The following GABRB1 variants were observed in gnomAD, a reference collection of about 807,000 sequenced individuals.
GABRB1 encodes gamma-aminobutyric acid receptor subunit beta-1.
GABRB1 carries 17 observed loss-of-function variants against 51.6 expected under a neutral mutation model. The observed-to-expected ratio is 0.33, with a 90% confidence interval of 0.23 to 0.49. The LOEUF (loss-of-function observed/expected upper bound fraction) is 0.49. GABRB1 is among the 20% of genes least tolerant of loss of function. GABRB1 has a pLI of 0.99. For synonymous variants in GABRB1, 247 were observed against 218.9 expected (o/e 1.13, Z -1.14); for missense variants, 410 against 600.6 (o/e 0.68, Z 3.32).
At chr4:47,273,763 C>T (rs542715412) in intron 4 of GABRB1, among the ~76,000 whole-genome samples, 1 of 151,540 alleles carries the variant, frequency 6.6e-6, no homozygotes, top group South Asian at 2.1e-4. Flanking sequence ...TGAGGGCATC[C>T]CACCCAGACT....
intron 3 of GABRB1, among the ~76,000 whole-genome samples, chr4:47,107,534 T>TC (rs1429050014): frequency 6.6e-6 from 1 of 152,126 alleles, no homozygotes; most frequent in Non-Finnish European, 1.5e-5. Context: ...TCAATTCTGC[T>TC]ACTTTCTATA....
intron 5 of GABRB1, among the ~76,000 whole-genome samples, chr4:47,346,855 A>T (rs760498326): frequency 6.6e-6 from 1 of 152,200 alleles, no homozygotes; most frequent in African/African-American, 2.4e-5. Flanking sequence ...ATCTTCTCTG[A>T]TTGGTTTTGT....
intron 3 of GABRB1, among the ~76,000 whole-genome samples, chr4:47,054,149 A>G (rs1445850042): frequency 9.1e-6 from 1 of 110,232 alleles, no homozygotes; most frequent in Non-Finnish European, 2.0e-5. Flanking sequence ...CTCATTTACC[A>G]AGTTTTTTTT....
intron 4 of GABRB1, among the ~76,000 whole-genome samples, chr4:47,213,147 C>A (rs1409091343): frequency 6.6e-6 from 1 of 152,146 alleles, no homozygotes; most frequent in Non-Finnish European, 1.5e-5. Context: ...ACTCTTTCTT[C>A]AAATCTTACA....
intron 3 of GABRB1, among the ~76,000 whole-genome samples, chr4:47,152,380 C>A (rs1007769360): frequency 6.6e-6 from 1 of 151,948 alleles, no homozygotes; most frequent in African/African-American, 2.4e-5. Context: ...TTCAGGAACT[C>A]AGAATCTAGT....
chr4:47,341,081 A>G (rs978565400), intron 5 of GABRB1, among the ~76,000 whole-genome samples: 4 of 152,178 alleles, frequency 2.6e-5, no homozygotes, highest in African/African-American at 9.7e-5. Context: ...AACAAAACAG[A>G]GAAGGACCCA....
intron 4 of GABRB1, among the ~76,000 whole-genome samples, chr4:47,211,863 T>A (rs538642022): frequency 6.6e-6 from 1 of 152,276 alleles, no homozygotes; most frequent in South Asian, 2.1e-4. Flanking sequence ...CTGATTCCAG[T>A]CTGTTTTTGA....
intron 3 of GABRB1, among the ~76,000 whole-genome samples, chr4:47,109,030 G>A: frequency 6.6e-6 from 1 of 152,050 alleles, no homozygotes; most frequent in Non-Finnish European, 1.5e-5. Flanking sequence ...GGATTACAAT[G>A]CAATAACATG....
At chr4:47,392,247 C>G (rs943062129) in intron 5 of GABRB1, among the ~76,000 whole-genome samples, 1 of 151,654 alleles carries the variant, frequency 6.6e-6, no homozygotes, top group African/African-American at 2.4e-5. Context: ...AGAGAGGTGA[C>G]TTCTTCAATT....
At chr4:47,316,844 C>T (rs929916875) in intron 4 of GABRB1, among the ~76,000 whole-genome samples, 2 of 151,814 alleles carry the variant, frequency 1.3e-5, no homozygotes, top group African/African-American at 2.4e-5. Context: ...AGGATTTTCT[C>T]AATGCTGTAT....
At chr4:47,422,763 C>G (rs1303401794) in intron 8 of GABRB1, among the ~76,000 whole-genome samples, 1 of 152,264 alleles carries the variant, frequency 6.6e-6, no homozygotes, top group East Asian at 1.9e-4. Context: ...ATGTATATCA[C>G]AAATTCAACC....
chr4:47,252,149 C>T (rs1560298688), intron 4 of GABRB1, among the ~76,000 whole-genome samples: 1 of 141,872 alleles, frequency 7.0e-6, no homozygotes, highest in Non-Finnish European at 1.5e-5. Context: ...TGGTGCCAGG[C>T]AGGAATGGCC....
At chr4:47,052,042 TC>T (rs1726372066) in intron 3 of GABRB1, among the ~76,000 whole-genome samples, 1 of 151,994 alleles carries the variant, frequency 6.6e-6, no homozygotes, top group South Asian at 2.1e-4. Flanking sequence ...GGCAGTAGAA[TC>T]TGCTTGAACC....
At chr4:47,186,670 T>A (rs1039107452) in intron 4 of GABRB1, among the ~76,000 whole-genome samples, 4 of 151,840 alleles carry the variant, frequency 2.6e-5, no homozygotes, top group Non-Finnish European at 5.9e-5. Flanking sequence ...AACTCAGAAA[T>A]TCTCTGTCTT....
intron 5 of GABRB1, among the ~76,000 whole-genome samples, chr4:47,350,971 A>C (rs1237336446): frequency 6.6e-6 from 1 of 152,238 alleles, no homozygotes. Context: ...GTGGATGAAC[A>C]AAGTGATGTT....
At chr4:47,370,521 G>A (rs1727151107) in intron 5 of GABRB1, among the ~76,000 whole-genome samples, 1 of 151,858 alleles carries the variant, frequency 6.6e-6, no homozygotes. Flanking sequence ...AAGAAAAGTC[G>A]TGGGAGGCTT....
chr4:47,277,237 T>C (rs1723117699), intron 4 of GABRB1, among the ~76,000 whole-genome samples: 1 of 152,070 alleles, frequency 6.6e-6, no homozygotes, highest in Non-Finnish European at 1.5e-5. Flanking sequence ...GAGATTATTA[T>C]GTTAAGTTAA....
intron 4 of GABRB1, among the ~76,000 whole-genome samples, chr4:47,295,724 C>A (rs1318707864): frequency 5.3e-5 from 8 of 152,148 alleles, no homozygotes. Context: ...TCTAGCAAGG[C>A]AGGCCAACAT....
At chr4:46,995,738 T>C (rs2109421665) in intron 1 of GABRB1, among the ~76,000 whole-genome samples, 1 of 152,310 alleles carries the variant, frequency 6.6e-6, no homozygotes, top group South Asian at 2.1e-4. Flanking sequence ...ATTTTCATTT[T>C]AAAAATACAC....
Sources: gnomAD v4.1 joint callset for allele counts (sites outside exome capture counted in the v4.1 genomes callset) on GRCh38, gnomAD v4.1.1 for gene constraint, MANE v1.5 for transcripts, NCBI Gene and HGNC (gene_info 2026-07-23, HGNC 2026-07-21) for gene names.